SOBP: variants seen among roughly 807,000 people sequenced by gnomAD.
SOBP encodes sine oculis binding protein homolog, also known as sine oculis-binding protein homolog.
A neutral mutation model predicts 53.6 loss-of-function variants in SOBP; 4 were observed. That is an observed-to-expected ratio of 0.07 (90% CI 0.04 to 0.17). The LOEUF (loss-of-function observed/expected upper bound fraction) is 0.17. SOBP is among the 10% of genes least tolerant of loss of function. The pLI, the probability that SOBP is intolerant of heterozygous loss-of-function variation, is 1.00. For synonymous variants in SOBP, 584 were observed against 522.6 expected (o/e 1.12, Z -1.60); for missense variants, 1,088 against 1,204.7 (o/e 0.90, Z 1.43).
chr6:107,524,682 C>T (rs1783611979), intron 3 of SOBP, among the ~76,000 whole-genome samples: 2 of 152,250 alleles, frequency 1.3e-5, no homozygotes, highest in Admixed American at 6.5e-5. Flanking sequence ...GCACTGGCCA[C>T]ATGGCTGCAG....
chr6:107,655,347 G>A (rs1167200288), intron 6 of SOBP, among the ~76,000 whole-genome samples: 1 of 151,956 alleles, frequency 6.6e-6, no homozygotes, highest in East Asian at 1.9e-4. Flanking sequence ...CACCAACAAG[G>A]GGGCTGCCCT....
intron 4 of SOBP, among the ~76,000 whole-genome samples, chr6:107,536,956 A>G (rs13210582): frequency 0.053 from 8,029 of 152,306 alleles, 380 homozygotes; most frequent in South Asian, 0.16. Context: ...TGGGCATTGT[A>G]TGGACAATGG....
intron 3 of SOBP, among the ~76,000 whole-genome samples, chr6:107,511,050 T>A (rs760180019): frequency 6.6e-6 from 1 of 152,244 alleles, no homozygotes; most frequent in Non-Finnish European, 1.5e-5. Flanking sequence ...AATATGGTCT[T>A]CATATAACTC....
intron 4 of SOBP, among the ~76,000 whole-genome samples, chr6:107,549,289 A>G (rs752872762): frequency 2.5e-4 from 38 of 151,906 alleles, no homozygotes; most frequent in Non-Finnish European, 4.9e-4. Context: ...ACAAACAACA[A>G]CAACAAAAAA....
chr6:107,601,248 A>G (rs898170390), intron 5 of SOBP, among the ~76,000 whole-genome samples: 8 of 152,120 alleles, frequency 5.3e-5, no homozygotes, highest in Admixed American at 1.3e-4. Flanking sequence ...GCAGCCACCT[A>G]TGGGCTCTGA....
chr6:107,525,752 A>G (rs1307338547), intron 3 of SOBP, among the ~76,000 whole-genome samples: 1 of 152,068 alleles, frequency 6.6e-6, no homozygotes, highest in Non-Finnish European at 1.5e-5. Flanking sequence ...CTGTCCATTT[A>G]TTCCTTCATG....
At chr6:107,528,485 C>A (rs1335289800) in intron 3 of SOBP, among the ~76,000 whole-genome samples, 1 of 152,280 alleles carries the variant, frequency 6.6e-6, no homozygotes, top group Admixed American at 6.5e-5. Context: ...CCTGTCTTAT[C>A]ATTTAATGTT....
At chr6:107,656,366 AAAGT>A (rs1333793698) in intron 6 of SOBP, among the ~76,000 whole-genome samples, 2,107 of 29,732 alleles carry the variant, frequency 0.071, 38 homozygotes, top group African/African-American at 0.09. Context: ...AGAAAGAAAG[AAAGT>A]AAGTCAAATG....
chr6:107,608,177 G>C (rs1786460549), intron 5 of SOBP, among the ~76,000 whole-genome samples: 1 of 152,154 alleles, frequency 6.6e-6, no homozygotes, highest in Non-Finnish European at 1.5e-5. Flanking sequence ...ATACACCATG[G>C]TTTTGTTCAG....
chr6:107,544,419 G>A (rs1784238183), intron 4 of SOBP, among the ~76,000 whole-genome samples: 1 of 152,204 alleles, frequency 6.6e-6, no homozygotes, highest in Non-Finnish European at 1.5e-5. Context: ...GAAGCTTATA[G>A]TCCATTGAGG....
chr6:107,655,722 G>T (rs766451837), intron 6 of SOBP, among the ~76,000 whole-genome samples: 3 of 152,126 alleles, frequency 2.0e-5, no homozygotes, highest in Non-Finnish European at 4.4e-5. Flanking sequence ...TGTAGTTAAG[G>T]TTCCAGAATG....
chr6:107,567,137 T>C (rs1784941614), intron 4 of SOBP, among the ~76,000 whole-genome samples: 1 of 152,240 alleles, frequency 6.6e-6, no homozygotes, highest in South Asian at 2.1e-4. Context: ...CTCACTTTTT[T>C]CCTGCATTTC....
intron 4 of SOBP, among the ~76,000 whole-genome samples, chr6:107,548,366 C>T (rs1784363742): frequency 6.6e-6 from 1 of 151,608 alleles, no homozygotes; most frequent in Non-Finnish European, 1.5e-5. Context: ...CCTCAGCCTC[C>T]CGAGCAGCTG....
chr6:107,651,638 A>G (rs1771805975), intron 6 of SOBP, among the ~76,000 whole-genome samples: 1 of 152,274 alleles, frequency 6.6e-6, no homozygotes, highest in South Asian at 2.1e-4. Flanking sequence ...ACTAGACAAT[A>G]GATTTTCAAT....
At chr6:107,501,926 C>T (rs1782851802) in intron 1 of SOBP, among the ~76,000 whole-genome samples, 1 of 152,146 alleles carries the variant, frequency 6.6e-6, no homozygotes, top group Non-Finnish European at 1.5e-5. Context: ...CTCACTAAAG[C>T]TTGATGTGAC....
At chr6:107,533,316 A>AG (rs952876177) in intron 3 of SOBP, 143 bp from the exon 4 acceptor site, 1 of 465,926 alleles carries the variant, frequency 2.1e-6, no homozygotes, top group African/African-American at 2.1e-5. Context: ...AAAGAGAGAG[A>AG]GAGAGAGAAA....
intron 3 of SOBP, among the ~76,000 whole-genome samples, chr6:107,519,392 G>A (rs1783415964): frequency 1.3e-5 from 2 of 152,038 alleles, no homozygotes. Flanking sequence ...AGTGATGACA[G>A]GTCTGTGTAT....
chr6:107,581,335 A>G (rs1167376093), intron 4 of SOBP, among the ~76,000 whole-genome samples: 2 of 152,200 alleles, frequency 1.3e-5, no homozygotes, highest in Non-Finnish European at 2.9e-5. Flanking sequence ...ATCTAGCTCC[A>G]CCAGAAAGAA....
chr6:107,532,137 T>G (rs938811291), intron 3 of SOBP, among the ~76,000 whole-genome samples: 1 of 151,954 alleles, frequency 6.6e-6, no homozygotes, highest in Non-Finnish European at 1.5e-5. Context: ...GAGTGCTTGT[T>G]GGGGATTTTA....
Sources: gnomAD v4.1 joint callset for allele counts (sites outside exome capture counted in the v4.1 genomes callset) on GRCh38, gnomAD v4.1.1 for gene constraint, MANE v1.5 for transcripts, NCBI Gene and HGNC (gene_info 2026-07-23, HGNC 2026-07-21) for gene names.